The following PCDHA1 variants were observed in gnomAD, a reference collection of about 807,000 sequenced individuals.
The protein encoded by PCDHA1 is protocadherin alpha-1.
PCDHA1 carries 42 observed loss-of-function variants against 61.3 expected under a neutral mutation model. The ratio of observed to expected loss-of-function variants is 0.69; its 90% CI spans 0.54 to 0.89. The LOEUF is 0.89. Ranked by LOEUF, PCDHA1 falls within the 40% of genes least tolerant of loss-of-function variation. The pLI, the probability that PCDHA1 is intolerant of heterozygous loss-of-function variation, is 0.00. For missense variants in PCDHA1, 1,256 were observed against 1,235.3 expected, an observed-to-expected ratio of 1.02 and a Z score of -0.25; for synonymous variants, 610 against 553.8, an observed-to-expected ratio of 1.10 and a Z score of -1.43.
At chr5:140,828,116 T>C (rs2150151180) in intron 1 of PCDHA1, 39 of 1,612,242 alleles carry the variant, frequency 2.4e-5, no homozygotes, top group Admixed American at 2.0e-4. Flanking sequence ...GGAGGATAGA[T>C]TGGGAAAGCA....
intron 1 of PCDHA1, among the ~76,000 whole-genome samples, chr5:140,880,576 A>G (rs1274181037): frequency 6.6e-6 from 1 of 152,216 alleles, no homozygotes; most frequent in African/African-American, 2.4e-5. Flanking sequence ...ATTTGAGAAG[A>G]GAGGAAAGAG....
At chr5:140,811,529 TG>T (rs1172888039) in intron 1 of PCDHA1, 1 of 152,210 alleles carries the variant, frequency 6.6e-6, no homozygotes, top group Non-Finnish European at 1.5e-5. Flanking sequence ...TACCCAGTAA[TG>T]GGTCAAATGG....
At chr5:140,914,562 C>A (rs2076761052) in intron 1 of PCDHA1, among the ~76,000 whole-genome samples, 1 of 152,190 alleles carries the variant, frequency 6.6e-6, no homozygotes, top group East Asian at 1.9e-4. Flanking sequence ...AGAGTTTAGT[C>A]CATTTACATT....
At chr5:140,876,165 C>G in intron 1 of PCDHA1, 17 of 1,613,944 alleles carry the variant, frequency 1.1e-5, no homozygotes, top group Non-Finnish European at 1.4e-5. Flanking sequence ...TTCAAATAAC[C>G]GTCCTGGATG....
chr5:140,929,566 C>A, intron 1 of PCDHA1: 2 of 459,566 alleles, frequency 4.4e-6, no homozygotes, highest in Admixed American at 4.2e-5. Flanking sequence ...TATTTAAGAA[C>A]AATAAAAGTA....
chr5:140,812,406 A>G (rs2150029972), intron 1 of PCDHA1: 1 of 151,748 alleles, frequency 6.6e-6, no homozygotes, highest in Admixed American at 6.6e-5. Context: ...GGGGCTTGTC[A>G]GTTTTGTTGT....
intron 3 of PCDHA1, among the ~76,000 whole-genome samples, chr5:140,985,179 C>T (rs1056430017): frequency 5.9e-5 from 9 of 152,132 alleles, no homozygotes; most frequent in African/African-American, 1.9e-4. Flanking sequence ...CCTCGTAATC[C>T]GCCTGCCTCG....
chr5:140,834,050 T>C (rs1772774316), intron 1 of PCDHA1, among the ~76,000 whole-genome samples: 1 of 152,196 alleles, frequency 6.6e-6, no homozygotes, highest in African/African-American at 2.4e-5. Flanking sequence ...TAAGAATGCT[T>C]CTAACAATCA....
At chr5:140,991,481 A>G (rs1272675537) in intron 3 of PCDHA1, among the ~76,000 whole-genome samples, 3 of 152,226 alleles carry the variant, frequency 2.0e-5, no homozygotes, top group Non-Finnish European at 2.9e-5. Flanking sequence ...TCTGGAAGTC[A>G]GAAGTCCACA....
Position 140,988,605 on chromosome 5 carries a change from A to G in PCDHA1, c.2542+6042A>G, listed in dbSNP as rs558232011. Among the ~76,000 whole-genome samples, 7 of 152,332 alleles carry G rather than the reference A, an allele frequency of 4.6e-5. No homozygotes were observed. In the East Asian group the frequency reaches 1.2e-3, roughly 25 times the overall value. On this transcript the variant is annotated intron_variant, in intron 3 of 3. Coordinates refer to ENST00000504120, the MANE Select transcript of PCDHA1 (RefSeq NM_018900.4). ...TTCCACTTTTAATGGTCATGTAAAT[A>G]AAAGACTAGAATGGAGATGTCCTGG...
chr5:140,870,527 C>T, intron 1 of PCDHA1: 1 of 1,614,236 alleles, frequency 6.2e-7, no homozygotes, highest in Non-Finnish European at 8.5e-7. Context: ...CACATCTTCA[C>T]AGTGTCGGCG....
chr5:140,926,997 C>T (rs782110120), intron 1 of PCDHA1: 3 of 1,612,104 alleles, frequency 1.9e-6, no homozygotes, highest in Admixed American at 3.3e-5. Context: ...GGGGCGTAGC[C>T]GTAGGCAATC....
intron 1 of PCDHA1, among the ~76,000 whole-genome samples, chr5:140,900,565 C>T (rs368765128): frequency 1.2e-4 from 19 of 152,248 alleles, no homozygotes; most frequent in South Asian, 1.2e-3. Context: ...GCGTGAGCCA[C>T]GGCACCGGCC....
rs2150334321 is a variant in PCDHA1, at chr5:140,842,332, A to G, written c.2394+53648A>G. ...CCATGGCGGGTCATTGCACCGTTTT[A>G]GTGAGAATTTTGGATAAAAATGATA... On this transcript the variant is annotated intron_variant, in intron 1 of 3. Transcript: ENST00000504120. 1.7e-5 allele frequency: 28 copies of G among 1,607,160 alleles called. No homozygotes were observed. In the East Asian group the frequency reaches 4.0e-4, roughly 23 times the overall value.
intron 1 of PCDHA1, chr5:140,870,750 G>C: frequency 1.2e-6 from 2 of 1,613,506 alleles, no homozygotes; most frequent in Non-Finnish European, 1.7e-6. Flanking sequence ...GCAACGTGAC[G>C]CTGCAGGTGT....
At position 140,787,495 on chromosome 5, in the gene PCDHA1, A is replaced by G. The variant is rs782180734; in HGVS notation, c.1205A>G (p.Lys402Arg). 1.4e-5 allele frequency: 23 copies of G among 1,614,058 alleles called. No individual in the cohort carries two copies. In the South Asian group the frequency reaches 1.5e-4, roughly 11 times the overall value. The change falls in exon 1 of 4, where the codon AAG becomes AGG. Residue 402 changes from lysine (K) to arginine (R), a missense_variant. By Grantham distance (26) the Lys-to-Arg change is conservative. Coordinates refer to ENST00000504120, the MANE Select transcript of PCDHA1 (RefSeq NM_018900.4). ...CCCTTCAAGCTGGTGTCCACCTTCAAGAATTACTACTCGTTGGTGTTGGAC... is the reference window on the plus strand; with the variant it reads ...CCCTTCAAGCTGGTGTCCACCTTCAGGAATTACTACTCGTTGGTGTTGGAC... ...HVPFKLVSTF[K>R]NYYSLVLDSA...
At chr5:140,954,340 G>A (rs2095020682) in intron 1 of PCDHA1, among the ~76,000 whole-genome samples, 1 of 152,176 alleles carries the variant, frequency 6.6e-6, no homozygotes, top group Non-Finnish European at 1.5e-5. Flanking sequence ...TCTGCCTCTA[G>A]ATCTTTGAGG....
chr5:140,821,976 CA>C (rs2150112457), intron 1 of PCDHA1: 1 of 1,614,196 alleles, frequency 6.2e-7, no homozygotes, highest in South Asian at 1.1e-5. Flanking sequence ...GGGTGGCGTC[CA>C]AGGGCCGCGG....
At chr5:140,982,237 G>T (rs2096973071) in intron 2 of PCDHA1, 1 of 665,404 alleles carries the variant, frequency 1.5e-6, no homozygotes, top group East Asian at 3.5e-5. Context: ...AAACAGAATT[G>T]CCATAAAGAT....
Sources: allele counts gnomAD v4.1 joint callset (sites outside exome capture counted in the v4.1 genomes callset), GRCh38; gene constraint gnomAD v4.1.1; transcripts MANE v1.5; gene names NCBI Gene and HGNC (gene_info 2026-07-23, HGNC 2026-07-21).